SPON1: variants seen among roughly 807,000 people sequenced by gnomAD.
The protein encoded by SPON1 is spondin-1.
Under a neutral mutation model 111.7 loss-of-function variants are expected in SPON1, and 52 were observed. The ratio of observed to expected loss-of-function variants is 0.47; its 90% CI spans 0.37 to 0.59. SPON1 has a LOEUF of 0.59. Ranked by LOEUF, SPON1 falls within the 20% of genes least tolerant of loss-of-function variation. The pLI is 0.00. For missense variants in SPON1, 957 were observed against 1,068.5 expected, an observed-to-expected ratio of 0.90 and a Z score of 1.46; for synonymous variants, 410 against 395.8, an observed-to-expected ratio of 1.04 and a Z score of -0.43.
chr11:14,073,893 G>A (rs1848896669), intron 3 of SPON1, among the ~76,000 whole-genome samples: 4 of 152,166 alleles, frequency 2.6e-5, no homozygotes, highest in East Asian at 1.9e-4. Flanking sequence ...TGGGGGAAGA[G>A]GCTGTTGTGG....
chr11:14,257,591 C>A, intron 10 of SPON1, 125 bp from the exon 11 acceptor site: 1 of 811,616 alleles, frequency 1.2e-6, no homozygotes. Flanking sequence ...CCCAGGAGCA[C>A]CCAGGCTCAC....
chr11:14,049,894 A>G (rs1564893727), intron 3 of SPON1, among the ~76,000 whole-genome samples: 1 of 152,138 alleles, frequency 6.6e-6, no homozygotes, highest in Non-Finnish European at 1.5e-5. Context: ...GATACATGGA[A>G]TGTGTACTAT....
intron 6 of SPON1, among the ~76,000 whole-genome samples, chr11:14,169,460 C>G (rs1185327205): frequency 2.0e-5 from 3 of 151,910 alleles, no homozygotes; most frequent in Non-Finnish European, 4.4e-5. Flanking sequence ...CCTGTTCACT[C>G]TGATGGTAGT....
intron 5 of SPON1, among the ~76,000 whole-genome samples, chr11:14,113,950 T>G (rs1157324670): frequency 6.6e-6 from 1 of 152,178 alleles, no homozygotes; most frequent in Non-Finnish European, 1.5e-5. Flanking sequence ...TTTATATGTG[T>G]ATAGGGTACA....
At chr11:14,141,981 G>A (rs1554928834) in intron 6 of SPON1, among the ~76,000 whole-genome samples, 2 of 152,122 alleles carry the variant, frequency 1.3e-5, no homozygotes, top group Admixed American at 6.5e-5. Context: ...ATGTCTAAAA[G>A]CATTGCCTCT....
chr11:14,254,586 C>T lies in SPON1; in HGVS notation c.949C>T (p.Leu317=). The change falls in exon 8 of 16, where the codon CTG becomes TTG. Residue 317 remains leucine, a synonymous_variant. Transcript: ENST00000576479. ...VDRTRHLMSF[L]TMMGPSPDWN... is the part of the protein sequence containing the mutation. ...CAGAACGCGCCATTTAATGTCCTTC[C>T]TGACCATGATGGGCCCTAGTCCCGA... 6.2e-7 allele frequency: 1 copy of T among 1,613,734 alleles called. No individual in the cohort carries two copies. The highest frequency in any genetic ancestry group is 8.5e-7 in the Non-Finnish European group (1 of 1,179,788).
chr11:14,188,126 T>G (rs1848306741), intron 6 of SPON1, among the ~76,000 whole-genome samples: 1 of 152,114 alleles, frequency 6.6e-6, no homozygotes, highest in African/African-American at 2.4e-5. Context: ...CACGCTGGTC[T>G]CAAACTCCTG....
chr11:14,256,656 A>G lies in SPON1; in HGVS notation c.1273A>G (p.Ile425Val), dbSNP rs982773555. 1.9e-6 allele frequency: 3 copies of G among 1,613,766 alleles called. No homozygotes were observed. Among genetic ancestry groups the G allele is most frequent in the Non-Finnish European group, 1.7e-6 (2 of 1,179,834 alleles). ...TATTGTACCTGACAATGTCGATGAT[A>G]TTGTAGCTGACCTGGCTCCAGAAGA... ...CNIVPDNVDD[I>V]VADLAPEEKD... Residue 425 changes from isoleucine (I) to valine (V), a missense_variant, in exon 10 of 16, where the codon ATT (isoleucine) becomes GTT (valine). Coordinates refer to ENST00000576479, the MANE Select transcript of SPON1 (RefSeq NM_006108.4).
intron 2 of SPON1, among the ~76,000 whole-genome samples, chr11:14,017,364 C>A (rs1848451169): frequency 6.6e-6 from 1 of 152,150 alleles, no homozygotes; most frequent in African/African-American, 2.4e-5. Flanking sequence ...TTAATTACAT[C>A]ATTGTTTTCA....
chr11:13,967,756 T>C (rs1848029921), intron 1 of SPON1, among the ~76,000 whole-genome samples: 1 of 152,210 alleles, frequency 6.6e-6, no homozygotes, highest in Non-Finnish European at 1.5e-5. Flanking sequence ...CCACCCCTCC[T>C]ACCTCTCTTC....
intron 6 of SPON1, among the ~76,000 whole-genome samples, chr11:14,179,884 C>T (rs1434565708): frequency 1.3e-5 from 2 of 152,134 alleles, no homozygotes; most frequent in Admixed American, 6.5e-5. Flanking sequence ...TTCCCCTCCC[C>T]GCGTAAAAAG....
At chr11:14,203,986 T>C (rs1269403533) in intron 6 of SPON1, among the ~76,000 whole-genome samples, 1 of 152,196 alleles carries the variant, frequency 6.6e-6, no homozygotes, top group Non-Finnish European at 1.5e-5. Flanking sequence ...TACAAAGTAA[T>C]GAAACCAGAA....
intron 2 of SPON1, among the ~76,000 whole-genome samples, chr11:14,037,981 C>T (rs797033604): frequency 1.3e-5 from 2 of 151,824 alleles, no homozygotes; most frequent in African/African-American, 4.8e-5. Flanking sequence ...GCCTGGCCAA[C>T]ATGATGAAAC....
At chr11:14,086,602 A>C (rs542669466) in intron 5 of SPON1, among the ~76,000 whole-genome samples, 1 of 152,064 alleles carries the variant, frequency 6.6e-6, no homozygotes, top group Admixed American at 6.5e-5. Context: ...TTGACCTAAA[A>C]TTTTCTTTTT....
At chr11:14,132,260 A>C (rs1847537310) in intron 5 of SPON1, among the ~76,000 whole-genome samples, 1 of 152,028 alleles carries the variant, frequency 6.6e-6, no homozygotes, top group African/African-American at 2.4e-5. Flanking sequence ...CCCAGGCAAC[A>C]GTACAAGACT....
intron 6 of SPON1, among the ~76,000 whole-genome samples, chr11:14,149,795 G>A (rs1847766047): frequency 1.3e-5 from 2 of 152,150 alleles, no homozygotes; most frequent in Non-Finnish European, 2.9e-5. Context: ...ATACCATATA[G>A]CCTAGGTGTG....
intron 5 of SPON1, among the ~76,000 whole-genome samples, chr11:14,121,389 T>G (rs1847388097): frequency 6.6e-6 from 1 of 152,052 alleles, no homozygotes; most frequent in Non-Finnish European, 1.5e-5. Context: ...TGTTCAAATG[T>G]GGGAATAGAG....
intron 6 of SPON1, among the ~76,000 whole-genome samples, chr11:14,210,868 C>T (rs1268584909): frequency 6.6e-6 from 1 of 152,122 alleles, no homozygotes; most frequent in Non-Finnish European, 1.5e-5. Flanking sequence ...AAATCCTTTC[C>T]CCGTTGCTTG....
chr11:14,146,082 G>C (rs572544553), intron 6 of SPON1, among the ~76,000 whole-genome samples: 1 of 151,094 alleles, frequency 6.6e-6, no homozygotes, highest in Non-Finnish European at 1.5e-5. Context: ...GAACTGAAAG[G>C]TTCATTCACA....
Sources: allele counts gnomAD v4.1 joint callset (sites outside exome capture counted in the v4.1 genomes callset), GRCh38; gene constraint gnomAD v4.1.1; transcripts MANE v1.5; gene names NCBI Gene and HGNC (gene_info 2026-07-23, HGNC 2026-07-21).